The following ABCC5 variants were observed in gnomAD, a reference collection of about 807,000 sequenced individuals.
ABCC5 encodes the protein ATP binding cassette subfamily C member 5, also known as ATP-binding cassette sub-family C member 5.
Under a neutral mutation model 160.9 loss-of-function variants are expected in ABCC5, and 61 were observed. The ratio of observed to expected loss-of-function variants is 0.38; its 90% CI spans 0.31 to 0.47. ABCC5 has a LOEUF of 0.47. ABCC5 is among the 20% of genes least tolerant of loss of function. ABCC5 has a pLI of 0.99. For synonymous variants in ABCC5, 666 were observed against 700.6 expected (o/e 0.95, Z 0.78); for missense variants, 1,308 against 1,813.3 (o/e 0.72, Z 5.06).
rs1028363136 is a variant in ABCC5 at position 183,921,923 on chromosome 3, TGGGAG to T, written c.4213-527_4213-523del. ...GCGGGTGCCTACAATCCCAGTGACT[TGGGAG>T]GCTGAGGCAGGAGAATCGCTTGAAC... On this transcript the variant is annotated intron_variant, in intron 29 of 29. Coordinates refer to ENST00000334444, the MANE Select transcript of ABCC5 (RefSeq NM_005688.4). This position sits in a 1 kb window ranked among gnomAD's most constrained non-coding sequence, Gnocchi z 4.1. Among the ~76,000 whole-genome samples the T allele has an allele frequency of 6.6e-6, 1 of 151,198 alleles. No homozygotes were observed. Among genetic ancestry groups the T allele is most frequent in the Non-Finnish European group, 1.5e-5 (1 of 67,862 alleles).
At chr3:183,976,876 T>C (rs775151776) in intron 10 of ABCC5, among the ~76,000 whole-genome samples, 26 of 152,102 alleles carry the variant, frequency 1.7e-4, no homozygotes, top group Non-Finnish European at 3.2e-4. Flanking sequence ...CTATCAAATA[T>C]CTATTTCTCT....
In ABCC5 at chr3:183,989,206, C is replaced by T; in HGVS notation, c.287+20G>A. On this transcript the variant is annotated intron_variant, in intron 3 of 29. Coordinates refer to ENST00000334444, the MANE Select transcript of ABCC5 (RefSeq NM_005688.4). ...AAGGCCTTTGATGCTTCACTGTCATCACTCAGCACGGCATCTTACTTGGAA... is the reference window on the plus strand; with the variant it reads ...AAGGCCTTTGATGCTTCACTGTCATTACTCAGCACGGCATCTTACTTGGAA... 5 of 1,202,360 alleles carry T rather than the reference C, an allele frequency of 4.2e-6. No homozygotes were observed. The highest frequency in any genetic ancestry group is 1.6e-5 in the African/African-American group (1 of 63,900). The allele number at this position is 1,202,360 out of a possible 1,614,324, so 74.5% of individuals were successfully genotyped here. A position where few individuals can be genotyped will look rare whatever the true frequency, so the allele number is the denominator to read the frequency against.
chr3:183,932,902 T>C (rs111572570), intron 26 of ABCC5, among the ~76,000 whole-genome samples: 175 of 152,254 alleles, frequency 1.1e-3, no homozygotes, highest in African/African-American at 4.0e-3. Flanking sequence ...TGGTGGCTCA[T>C]GGCTGTAATC....
chr3:183,989,210 C>T lies in ABCC5; in HGVS notation c.287+16G>A, dbSNP rs1576907804. ...CCTTTGATGCTTCACTGTCATCACTCAGCACGGCATCTTACTTGGAAGTAG... is the reference window on the plus strand; with the variant it reads ...CCTTTGATGCTTCACTGTCATCACTTAGCACGGCATCTTACTTGGAAGTAG... On this transcript the variant is annotated intron_variant, in intron 3 of 29. Coordinates refer to ENST00000334444, the MANE Select transcript of ABCC5 (RefSeq NM_005688.4). 2 of 1,431,614 alleles carry T rather than the reference C, an allele frequency of 1.4e-6. No homozygotes were observed. Among genetic ancestry groups the T allele is most frequent in the Non-Finnish European group, 1.9e-6 (2 of 1,030,112 alleles). The allele number at this position is 1,431,614 out of a possible 1,614,324, so 88.7% of individuals were successfully genotyped here. A position where few individuals can be genotyped will look rare whatever the true frequency, so the allele number is the denominator to read the frequency against.
intron 27 of ABCC5, 138 bp downstream of exon 27, chr3:183,928,609 A>T: frequency 5.7e-6 from 4 of 699,676 alleles, no homozygotes; most frequent in Non-Finnish European, 9.8e-6. Flanking sequence ...TATCTGAAAG[A>T]CTTGGAGAGC....
At position 183,953,135 on chromosome 3, in the gene ABCC5, G is replaced by C; in HGVS notation, c.2618C>G (p.Thr873Ser). Residue 873 changes from threonine (T) to serine (S), a missense_variant, in exon 18 of 30, where the codon ACC becomes AGC. Around this residue, in one of 3 missense-constraint regions of ABCC5, gnomAD observed 1,142 missense variants for 1,527.1 expected, o/e 0.75. Transcript: ENST00000334444. ...ACTCAACCACCAGGTGCTGAAGGCGGTGCTGCCTACATTCAGCATGAAAAG... is the reference window on the plus strand; with the variant it reads ...ACTCAACCACCAGGTGCTGAAGGCGCTGCTGCCTACATTCAGCATGAAAAG... ...MALFMLNVGS[T>S]AFSTWWLSYW... 1 of 1,614,044 alleles carries C rather than the reference G, an allele frequency of 6.2e-7. No homozygotes were observed. The highest frequency in any genetic ancestry group is 8.5e-7 in the Non-Finnish European group (1 of 1,180,018).
intron 17 of ABCC5, among the ~76,000 whole-genome samples, chr3:183,958,554 C>A (rs116483375): frequency 1.3e-5 from 2 of 152,178 alleles, no homozygotes; most frequent in East Asian, 3.9e-4. Context: ...AAATCTCATA[C>A]CTGAATTCAA....
rs374909124 is a variant in ABCC5 at position 183,942,304 on chromosome 3, G to A, written c.3694+423C>T. 3.4e-4 allele frequency: 152 copies of A among 443,278 alleles called. 3 individuals carry two copies. The highest frequency in any genetic ancestry group is 1.9e-3 in the South Asian group (118 of 61,754). 27.5% of individuals were successfully genotyped at this position (443,278 alleles called of 1,614,324 possible). A position where few individuals can be genotyped will look rare whatever the true frequency, so the allele number is the denominator to read the frequency against. On this transcript the variant is annotated intron_variant, in intron 25 of 29. Transcript: ENST00000334444. ...CCGCCTCGCCCTCCCAAAGTGCTGGGATTACAGGCATGAGCCACTGCGCCC... is the reference window on the plus strand; with the variant it reads ...CCGCCTCGCCCTCCCAAAGTGCTGGAATTACAGGCATGAGCCACTGCGCCC...
At chr3:183,973,328 C>T (rs1717939345) in intron 10 of ABCC5, among the ~76,000 whole-genome samples, 1 of 152,150 alleles carries the variant, frequency 6.6e-6, no homozygotes, top group African/African-American at 2.4e-5. Context: ...GCTGGGATTA[C>T]AGGTGTGAGC....
chr3:183,922,360 C>T (rs1426679997), intron 29 of ABCC5, among the ~76,000 whole-genome samples: 1 of 124,030 alleles, frequency 8.1e-6, no homozygotes, highest in Non-Finnish European at 1.9e-5. Context: ...GCAACAAGAG[C>T]GAAACTCCGT....
intron 11 of ABCC5, 37 bp downstream of exon 11, chr3:183,971,525 TG>T: frequency 1.3e-6 from 2 of 1,579,940 alleles, no homozygotes; most frequent in African/African-American, 1.4e-5. Flanking sequence ...CATGGGGTGG[TG>T]GGGTGCGGGC....
At chr3:183,992,867 T>G (rs570742118) in intron 2 of ABCC5, among the ~76,000 whole-genome samples, 12 of 152,230 alleles carry the variant, frequency 7.9e-5, no homozygotes, top group Non-Finnish European at 1.3e-4. Context: ...TGACAAACAT[T>G]TTCTGTAAAA....
Position 183,951,081 on chromosome 3 carries a change from T to C in ABCC5, c.2944+360A>G, listed in dbSNP as rs1715299199. On this transcript the variant is annotated intron_variant, in intron 20 of 29. Coordinates refer to ENST00000334444, the MANE Select transcript of ABCC5 (RefSeq NM_005688.4). This position sits in a 1 kb window ranked among gnomAD's most constrained non-coding sequence, Gnocchi z 4.7. Reference sequence around the variant, plus strand: ...CCCCTGTCAATGTCAGGGGCTTTACTGTTACTCTGAACTGTGGGGGTACAG... The same window carrying C: ...CCCCTGTCAATGTCAGGGGCTTTACCGTTACTCTGAACTGTGGGGGTACAG... Among the ~76,000 whole-genome samples the C allele has an allele frequency of 6.6e-6, 1 of 152,202 alleles. No homozygotes were observed. The highest frequency in any genetic ancestry group is 1.5e-5 in the Non-Finnish European group (1 of 68,034).
In ABCC5 at chr3:183,987,962, A is replaced by T; in HGVS notation, c.444-45T>A. ...CTCGTTACACATCTCCTCGGGGGAA[A>T]GGCACACCTAGCTCCCCGCCTGCCA... On this transcript the variant is annotated intron_variant, in intron 4 of 29. Transcript: ENST00000334444. The surrounding 1 kb of genome is among the most constrained non-coding windows in gnomAD (Gnocchi z 4.2). 1 of 1,598,918 alleles carries T rather than the reference A, an allele frequency of 6.3e-7. No homozygotes were observed. Among genetic ancestry groups the T allele is most frequent in the Non-Finnish European group, 8.5e-7 (1 of 1,171,990 alleles).
chr3:183,986,580 C>A (rs1719236712), intron 5 of ABCC5: 1 of 151,954 alleles, frequency 6.6e-6, no homozygotes, highest in Non-Finnish European at 1.5e-5. Context: ...TAGAGGGGAG[C>A]CAATGAAGTT....
In ABCC5 at chr3:183,963,213, T is replaced by A. The variant is rs539980656; in HGVS notation, c.2235+172A>T. Among the ~76,000 whole-genome samples the A allele has an allele frequency of 6.6e-6, 1 of 152,252 alleles. No individual in the cohort carries two copies. Among genetic ancestry groups the A allele is most frequent in the Non-Finnish European group, 1.5e-5 (1 of 68,046 alleles). ...AGGATCTCTGATTTAGATGGCCATCTGTTACACTGGTACAGTGAGCTTTAT... is the reference window on the plus strand; with the variant it reads ...AGGATCTCTGATTTAGATGGCCATCAGTTACACTGGTACAGTGAGCTTTAT... On this transcript the variant is annotated intron_variant, in intron 15 of 29. Coordinates refer to ENST00000334444, the MANE Select transcript of ABCC5 (RefSeq NM_005688.4). This position sits in a 1 kb window ranked among gnomAD's most constrained non-coding sequence, Gnocchi z 4.6.
chr3:183,985,566 A>G (rs375335709), intron 5 of ABCC5: 11 of 712,090 alleles, frequency 1.5e-5, no homozygotes, highest in Admixed American at 3.9e-5. Flanking sequence ...AAGAGAGAGC[A>G]CTGCAGGAGG....
intron 5 of ABCC5, chr3:183,985,116 T>C (rs1467758519): frequency 6.0e-6 from 4 of 670,494 alleles, no homozygotes; most frequent in Admixed American, 2.9e-5. Context: ...TAAATAACAA[T>C]GACATTTCAA....
chr3:183,989,937 T>G (rs966794768), intron 2 of ABCC5, among the ~76,000 whole-genome samples: 2 of 151,268 alleles, frequency 1.3e-5, no homozygotes, highest in Non-Finnish European at 2.9e-5. Context: ...CCTGAGTAGC[T>G]GGGATTACAG....
Sources: gnomAD v4.1 joint callset for allele counts (sites outside exome capture counted in the v4.1 genomes callset) on GRCh38, gnomAD v4.1.1 for gene constraint, gnomAD v4.1.1 regional missense constraint, Gnocchi (gnomAD v3.1) non-coding constraint, MANE v1.5 for transcripts, NCBI Gene and HGNC (gene_info 2026-07-23, HGNC 2026-07-21) for gene names.